LDAH: variants seen among roughly 807,000 people sequenced by gnomAD.
LDAH encodes lipid droplet-associated hydrolase.
LDAH carries 26 observed loss-of-function variants against 29.6 expected under a neutral mutation model. The observed-to-expected ratio is 0.88, with a 90% CI of 0.64 to 1.22. LDAH has a LOEUF of 1.22. Among genes scored for constraint, LDAH ranks in the 50% most tolerant of loss-of-function variants. The probability of loss-of-function intolerance (pLI) is 0.00; values close to 1 mark genes in which losing one functional copy is unlikely to be tolerated. For missense variants in LDAH, 344 were observed against 387.3 expected, an observed-to-expected ratio of 0.89 and a Z score of 0.94; for synonymous variants, 117 against 133.0, an observed-to-expected ratio of 0.88 and a Z score of 0.83.
intron 4 of LDAH, among the ~76,000 whole-genome samples, chr2:20,741,581 T>A (rs928778059): frequency 7.2e-5 from 11 of 152,166 alleles, no homozygotes; most frequent in Non-Finnish European, 1.6e-4. Flanking sequence ...ATTACTTCTG[T>A]CTATTTGAGG....
At chr2:20,691,414 T>G (rs891650035) in intron 6 of LDAH, among the ~76,000 whole-genome samples, 1 of 152,162 alleles carries the variant, frequency 6.6e-6, no homozygotes, top group African/African-American at 2.4e-5. Flanking sequence ...TGGGCTCAAG[T>G]GATCCACCCA....
At chr2:20,751,489 T>A (rs74904313) in intron 4 of LDAH, among the ~76,000 whole-genome samples, 14 of 152,356 alleles carry the variant, frequency 9.2e-5, no homozygotes, top group Non-Finnish European at 1.6e-4. Flanking sequence ...GAAACAAACG[T>A]AACTTCTATC....
At position 20,761,479 on chromosome 2, in the gene LDAH, C is replaced by T. The variant is rs111615794; in HGVS notation, c.468+13331G>A. Among the ~76,000 whole-genome samples, 102 of 152,226 alleles carry T rather than the reference C, an allele frequency of 6.7e-4. 1 individual carries two copies. Among genetic ancestry groups the T allele is most frequent in the Middle Eastern group, 3.4e-3 (1 of 294 alleles). ...AAAAGTAGCAGAAGTTATATTCTAT[C>T]GGAGCAATCAGCAAAGTTTTCATGC... On this transcript the variant is annotated intron_variant, in intron 4 of 6. Transcript: ENST00000237822.
intron 3 of LDAH, chr2:20,789,402 C>T (rs896712073): frequency 2.8e-5 from 41 of 1,449,934 alleles, no homozygotes; most frequent in South Asian, 2.6e-4. Context: ...CTGGACTGGA[C>T]GTCCAGTCTC....
At chr2:20,780,422 G>C (rs534141610) in intron 3 of LDAH, among the ~76,000 whole-genome samples, 2 of 152,134 alleles carry the variant, frequency 1.3e-5, no homozygotes, top group Admixed American at 6.5e-5. Flanking sequence ...AAAGAAAAAG[G>C]CATAAAAAGT....
At chr2:20,759,865 T>C (rs181338056) in intron 4 of LDAH, among the ~76,000 whole-genome samples, 71 of 152,296 alleles carry the variant, frequency 4.7e-4, no homozygotes, top group South Asian at 1.5e-3. Flanking sequence ...TTCACAAATG[T>C]ATCACCTCTG....
At chr2:20,751,842 T>C (rs1430069943) in intron 4 of LDAH, among the ~76,000 whole-genome samples, 1 of 152,198 alleles carries the variant, frequency 6.6e-6, no homozygotes, top group Non-Finnish European at 1.5e-5. Flanking sequence ...ATGAGTGGGA[T>C]ATAAAAGAAA....
intron 5 of LDAH, among the ~76,000 whole-genome samples, chr2:20,722,628 A>G (rs2149401506): frequency 1.3e-5 from 2 of 152,362 alleles, no homozygotes; most frequent in East Asian, 3.9e-4. Context: ...AAATATTTGA[A>G]GAGATGGATA....
intron 2 of LDAH, among the ~76,000 whole-genome samples, chr2:20,791,296 A>C (rs967011107): frequency 6.6e-6 from 1 of 152,216 alleles, no homozygotes; most frequent in Non-Finnish European, 1.5e-5. Context: ...GCTTTGGCCA[A>C]GCTATTTAAC....
chr2:20,784,002 T>C (rs1394359017), intron 3 of LDAH, among the ~76,000 whole-genome samples: 1 of 152,234 alleles, frequency 6.6e-6, no homozygotes, highest in Non-Finnish European at 1.5e-5. Flanking sequence ...CGTGTATAAC[T>C]GTGCCTGGTC....
At chr2:20,817,848 C>T (rs1404215144) in intron 1 of LDAH, among the ~76,000 whole-genome samples, 1 of 152,146 alleles carries the variant, frequency 6.6e-6, no homozygotes, top group Non-Finnish European at 1.5e-5. Context: ...GACAGATACA[C>T]ACAATTTGGA....
intron 2 of LDAH, among the ~76,000 whole-genome samples, chr2:20,800,386 T>C (rs1194001280): frequency 6.6e-6 from 1 of 152,168 alleles, no homozygotes; most frequent in Non-Finnish European, 1.5e-5. Flanking sequence ...AAGAATCAAC[T>C]GAAAATCAAT....
chr2:20,712,614 C>T (rs1558402043), intron 5 of LDAH, among the ~76,000 whole-genome samples: 1 of 152,138 alleles, frequency 6.6e-6, no homozygotes, highest in Non-Finnish European at 1.5e-5. Context: ...TGTTCAAACC[C>T]ATCACAAGGA....
At chr2:20,688,994 C>T (rs1662795638) in intron 6 of LDAH, among the ~76,000 whole-genome samples, 1 of 152,018 alleles carries the variant, frequency 6.6e-6, no homozygotes, top group Non-Finnish European at 1.5e-5. Context: ...CCCCTACCCC[C>T]CATCCCCTAA....
At chr2:20,726,525 T>G (rs1666025186) in intron 5 of LDAH, among the ~76,000 whole-genome samples, 1 of 152,330 alleles carries the variant, frequency 6.6e-6, no homozygotes, top group South Asian at 2.1e-4. Context: ...TAGGACCAGA[T>G]AGTCTTAGAA....
chr2:20,754,872 T>C (rs909629324), intron 4 of LDAH, among the ~76,000 whole-genome samples: 1 of 152,178 alleles, frequency 6.6e-6, no homozygotes, highest in South Asian at 2.1e-4. Flanking sequence ...AGGCAATACC[T>C]GATTCTCCAG....
intron 5 of LDAH, among the ~76,000 whole-genome samples, chr2:20,712,682 G>A (rs1043006941): frequency 6.6e-6 from 1 of 152,168 alleles, no homozygotes; most frequent in African/African-American, 2.4e-5. Context: ...ACAGTGTAGA[G>A]AAGACCTTAA....
intron 4 of LDAH, among the ~76,000 whole-genome samples, chr2:20,760,685 G>A (rs1224521866): frequency 3.3e-5 from 5 of 152,188 alleles, no homozygotes; most frequent in African/African-American, 9.7e-5. Flanking sequence ...CATATAGGCC[G>A]CCCAACATAG....
intron 4 of LDAH, among the ~76,000 whole-genome samples, chr2:20,742,517 C>T (rs1036957062): frequency 1.3e-5 from 2 of 152,166 alleles, no homozygotes; most frequent in African/African-American, 4.8e-5. Context: ...GTTATGTCTT[C>T]TTGGAGGACT....
Sources: allele counts gnomAD v4.1 joint callset (sites outside exome capture counted in the v4.1 genomes callset), GRCh38; gene constraint gnomAD v4.1.1; transcripts MANE v1.5; gene names NCBI Gene and HGNC (gene_info 2026-07-23, HGNC 2026-07-21).